PUS7: variants seen among roughly 807,000 people sequenced by gnomAD.
PUS7 encodes pseudouridylate synthase 7 homolog.
In PUS7, 48 loss-of-function variants were observed where a neutral mutation model predicts 79.8. That is an observed-to-expected ratio of 0.60 (90% confidence interval 0.48 to 0.76). The LOEUF is 0.76. Among genes scored for constraint, PUS7 ranks in the 30% least tolerant of loss-of-function variants. PUS7 has a pLI of 0.00. For synonymous variants in PUS7, 286 were observed against 272.2 expected (o/e 1.05, Z -0.50); for missense variants, 729 against 797.6 (o/e 0.91, Z 1.04).
chr7:105,507,325 C>T (rs569258538), intron 2 of PUS7, among the ~76,000 whole-genome samples: 3 of 152,034 alleles, frequency 2.0e-5, no homozygotes, highest in South Asian at 2.1e-4. Context: ...GGATCACAGG[C>T]GTTAGCCACC....
At chr7:105,488,609 T>C (rs528974534) in intron 7 of PUS7, among the ~76,000 whole-genome samples, 2 of 152,298 alleles carry the variant, frequency 1.3e-5, no homozygotes, top group Admixed American at 6.5e-5. Flanking sequence ...CGAGAAACAA[T>C]GTAACATTCA....
rs150969929 is a variant in PUS7 at position 105,462,958 on chromosome 7, G to C, written c.1628-208C>G. 3.7e-4 allele frequency among the ~76,000 whole-genome samples: 57 copies of C among 152,210 alleles called. No individual in the cohort carries two copies. The East Asian group carries it at 0.01, about 27-fold the overall frequency. On this transcript the variant is annotated intron_variant, in intron 13 of 15. Transcript: ENST00000469408. The stretch of plus-strand genomic sequence containing the variant: ...ACAGGGTGTACTGAGCTTTGGTTTG[G>C]CCAATTTTTCAGTTATTTTTGCAAC...
At chr7:105,508,594 C>T in intron 1 of PUS7, 50 bp from the exon 2 acceptor site, 1 of 1,535,020 alleles carries the variant, frequency 6.5e-7, no homozygotes, top group Non-Finnish European at 8.7e-7. Flanking sequence ...AAGCTGGTTT[C>T]AGGCCGGGCG....
intron 12 of PUS7, 34 bp downstream of exon 12, chr7:105,468,303 C>T (rs753523374): frequency 6.2e-7 from 1 of 1,601,270 alleles, no homozygotes; most frequent in East Asian, 2.2e-5. Context: ...TGAACCCTAG[C>T]TTAGCTGAGT....
chr7:105,501,970 ATAT>A (rs143020569), intron 5 of PUS7, among the ~76,000 whole-genome samples: 23,277 of 74,146 alleles, frequency 0.31, 2,288 homozygotes, highest in African/African-American at 0.34. Context: ...AAAAAAAAAA[ATAT>A]ATATATATAT....
intron 13 of PUS7, 74 bp from the exon 14 acceptor site, chr7:105,462,824 A>G (rs1823490567): frequency 7.1e-7 from 1 of 1,400,736 alleles, no homozygotes; most frequent in Non-Finnish European, 9.8e-7. Flanking sequence ...TTATAAAGAG[A>G]GTAACAATGT....
chr7:105,495,414 T>C (rs1322367456), intron 5 of PUS7, 161 bp from the exon 6 acceptor site: 3 of 512,944 alleles, frequency 5.8e-6, no homozygotes, highest in African/African-American at 5.8e-5. Flanking sequence ...GTATTACATT[T>C]CCTGTAATTG....
chr7:105,482,671 T>C (rs1380896374), intron 7 of PUS7, among the ~76,000 whole-genome samples: 2 of 152,136 alleles, frequency 1.3e-5, no homozygotes, highest in South Asian at 2.1e-4. Context: ...CCTGGCCATA[T>C]TTTATATACT....
chr7:105,483,554 C>T (rs1562799879), intron 7 of PUS7, among the ~76,000 whole-genome samples: 1 of 151,716 alleles, frequency 6.6e-6, no homozygotes, highest in Non-Finnish European at 1.5e-5. Flanking sequence ...CCACATTGGC[C>T]TCGCACAGTG....
At chr7:105,462,895 C>A in intron 13 of PUS7, 145 bp from the exon 14 acceptor site, 1 of 801,254 alleles carries the variant, frequency 1.2e-6, no homozygotes, top group Admixed American at 3.0e-5. Flanking sequence ...AAAATCTGTT[C>A]CCTGGAATCA....
Position 105,514,482 on chromosome 7 carries a change from T to C in PUS7, c.-32-5938A>G, listed in dbSNP as rs545461410. 3.7e-4 allele frequency among the ~76,000 whole-genome samples: 56 copies of C among 150,138 alleles called. 1 individual carries two copies. The South Asian group carries it at 0.011, about 31-fold the overall frequency. On this transcript the variant is annotated intron_variant, in intron 1 of 15. Transcript: ENST00000469408. ...AGCTGGGCGTGGTGACGGGCGCCTG[T>C]AGTCCCAGCTACTCAGGAGGCTGAG...
chr7:105,473,054 C>T (rs998053870), intron 9 of PUS7, among the ~76,000 whole-genome samples: 3 of 151,846 alleles, frequency 2.0e-5, no homozygotes, highest in East Asian at 1.9e-4. Flanking sequence ...AGCCCCCGTG[C>T]CCGGCCCACA....
rs1177120300 is a variant in PUS7, at chr7:105,505,990, G to A, written c.550C>T (p.Leu184=). 6.2e-7 allele frequency: 1 copy of A among 1,613,686 alleles called. No homozygotes were observed. The highest frequency in any genetic ancestry group is 8.5e-7 in the Non-Finnish European group (1 of 1,179,814). ...ACACTGGTTTCCTTATTTTTGAACA[G>A]CTGGAGCTCTTCCAATCGCTGCTTT... ...EEKQRLEELQ[L]FKNKETSVAI... is the part of the protein sequence containing the mutation. The change falls in exon 4 of 16, where the codon CTG becomes TTG. Residue 184 remains leucine (L), a synonymous_variant. Transcript: ENST00000469408.
intron 9 of PUS7, among the ~76,000 whole-genome samples, chr7:105,477,721 G>C (rs1335773506): frequency 6.6e-6 from 1 of 150,638 alleles, no homozygotes; most frequent in Non-Finnish European, 1.5e-5. Context: ...AAAAAATCCT[G>C]TCCCATTAGT....
At chr7:105,489,161 A>AAAAAG (rs1162127701) in intron 7 of PUS7, among the ~76,000 whole-genome samples, 3 of 150,996 alleles carry the variant, frequency 2.0e-5, no homozygotes, top group Non-Finnish European at 3.0e-5. Flanking sequence ...AAAAAAAAAA[A>AAAAAG]AAAAAAAGAA....
At chr7:105,511,625 A>G (rs116457537) in intron 1 of PUS7, among the ~76,000 whole-genome samples, 20,763 of 150,652 alleles carry the variant, frequency 0.14, 1,840 homozygotes, top group South Asian at 0.26. Flanking sequence ...GCTGGGTGTG[A>G]GGGCACACAC....
chr7:105,500,229 T>C (rs976075607), intron 5 of PUS7, among the ~76,000 whole-genome samples: 2 of 151,958 alleles, frequency 1.3e-5, no homozygotes, highest in Admixed American at 6.6e-5. Context: ...CAAACGAAAA[T>C]GGGGAAGGGT....
At chr7:105,476,061 T>C (rs997078122) in intron 9 of PUS7, among the ~76,000 whole-genome samples, 2 of 147,278 alleles carry the variant, frequency 1.4e-5, no homozygotes, top group Non-Finnish European at 3.0e-5. Context: ...AAGGTGGAGG[T>C]TGCAATGGGC....
chr7:105,496,250 G>GAC (rs1825028034), intron 5 of PUS7, among the ~76,000 whole-genome samples: 1 of 27,572 alleles, frequency 3.6e-5, no homozygotes, highest in South Asian at 2.2e-3. Flanking sequence ...GAGAGAGAGA[G>GAC]AGAGGGAGAG....
Sources: gnomAD v4.1 joint callset for allele counts (sites outside exome capture counted in the v4.1 genomes callset) on GRCh38, gnomAD v4.1.1 for gene constraint, MANE v1.5 for transcripts, NCBI Gene and HGNC (gene_info 2026-07-23, HGNC 2026-07-21) for gene names.